The following ZNF503 variants were observed in gnomAD, a reference collection of about 807,000 sequenced individuals.
ZNF503 encodes the protein NocA-like zinc finger 2.
ZNF503 carries 15 observed loss-of-function variants against 34.4 expected under a neutral mutation model. The observed-to-expected ratio is 0.44, with a 90% CI of 0.29 to 0.67. ZNF503 has a LOEUF of 0.67. Ranked by LOEUF, ZNF503 falls within the 30% of genes least tolerant of loss-of-function variation. ZNF503 has a pLI of 0.13. For missense variants in ZNF503, 1,007 were observed against 926.8 expected (o/e 1.09, Z -1.12); for synonymous variants, 580 against 456.8 (o/e 1.27, Z -3.44).
the ZNF503 span, among the ~76,000 whole-genome samples, chr10:75,291,020 T>C: frequency 1.3e-5 from 2 of 152,188 alleles, no homozygotes; most frequent in African/African-American, 4.8e-5. Context: ...TTGCCTCTGA[T>C]GAATGAGGAC....
downstream of ZNF503, among the ~76,000 whole-genome samples, chr10:75,393,726 G>C (rs1273541159): frequency 6.6e-6 from 1 of 152,066 alleles, no homozygotes; most frequent in African/African-American, 2.4e-5. Context: ...GGGCATGGTG[G>C]TGCACGTCTG....
chr10:75,347,080 G>A, the ZNF503 span, among the ~76,000 whole-genome samples: 6 of 152,084 alleles, frequency 3.9e-5, no homozygotes, highest in Non-Finnish European at 8.8e-5. Flanking sequence ...TATCTGCCTC[G>A]GAGAGTTGTT....
the ZNF503 span, among the ~76,000 whole-genome samples, chr10:75,323,955 A>C: frequency 4.2e-5 from 6 of 143,304 alleles, no homozygotes; most frequent in Non-Finnish European, 6.0e-5. Context: ...GCACCATTGC[A>C]CTCTAGCCTG....
chr10:75,378,368 A>T, the ZNF503 span, among the ~76,000 whole-genome samples: 1 of 152,066 alleles, frequency 6.6e-6, no homozygotes, highest in Admixed American at 6.5e-5. Flanking sequence ...GTAGGCCACT[A>T]TCTGCTCCCC....
the ZNF503 span, among the ~76,000 whole-genome samples, chr10:75,337,454 C>T: frequency 6.6e-6 from 1 of 151,982 alleles, no homozygotes; most frequent in East Asian, 1.9e-4. Flanking sequence ...GAAACCCCAT[C>T]TCTACTAAAA....
In ZNF503 at chr10:75,399,995, C is replaced by A; in HGVS notation, c.695G>T (p.Ser232Ile). 6.2e-7 allele frequency: 1 copy of A among 1,605,580 alleles called. No individual in the cohort carries two copies. Residue 232 changes from serine (S) to isoleucine (I), a missense_variant, in exon 2 of 2, where the codon AGC becomes ATC. By Grantham distance (142) the Ser-to-Ile change is moderately radical. Coordinates refer to ENST00000372524, the MANE Select transcript of ZNF503 (RefSeq NM_032772.6). ...FTPRTGSPSSSASACSPGGML... is the reference protein window; with the variant it reads ...FTPRTGSPSSIASACSPGGML... ...ACCTCCCGGCGAGCAGGCCGAGGCG[C>A]TGGAGCTCGGGCTGCCTGTCCTGGG...
chr10:75,342,335 C>T, the ZNF503 span, among the ~76,000 whole-genome samples: 3 of 152,096 alleles, frequency 2.0e-5, no homozygotes, highest in Non-Finnish European at 2.9e-5. Flanking sequence ...GAAACAGACT[C>T]GGGATTTGCA....
chr10:75,401,882 G>C, upstream of ZNF503: 1 of 168,668 alleles, frequency 5.9e-6, no homozygotes, highest in Non-Finnish European at 1.3e-5. Flanking sequence ...GACGCGTCCC[G>C]CGCCGCCGCC....
chr10:75,339,426 C>T, the ZNF503 span, among the ~76,000 whole-genome samples: 1 of 152,184 alleles, frequency 6.6e-6, no homozygotes, highest in African/African-American at 2.4e-5. Context: ...GAGAGGGGAG[C>T]TTCGGAAAGA....
chr10:75,350,971 C>A, the ZNF503 span, among the ~76,000 whole-genome samples: 6 of 152,192 alleles, frequency 3.9e-5, no homozygotes, highest in South Asian at 1.2e-3. Flanking sequence ...TTTCTTTGAG[C>A]AATGCATGCT....
chr10:75,294,612 C>G, the ZNF503 span, among the ~76,000 whole-genome samples: 2 of 152,240 alleles, frequency 1.3e-5, no homozygotes, highest in African/African-American at 4.8e-5. Context: ...GTGGCCCAGA[C>G]CTCACTTGAC....
At chr10:75,286,300 A>AG in the ZNF503 span, among the ~76,000 whole-genome samples, 1 of 146,934 alleles carries the variant, frequency 6.8e-6, no homozygotes, top group African/African-American at 2.5e-5. Flanking sequence ...AAAAAAAAAA[A>AG]GAGCCTGGAG....
At chr10:75,342,267 C>A in the ZNF503 span, among the ~76,000 whole-genome samples, 81 of 152,236 alleles carry the variant, frequency 5.3e-4, no homozygotes, top group East Asian at 0.011. Context: ...CAGACAGACG[C>A]GGTCACACAC....
rs182331762 is a variant in ZNF503, at chr10:75,398,651, C to T, written c.*98G>A. The T allele has an allele frequency of 5.3e-6, 6 of 1,140,944 alleles. No homozygotes were observed. The East Asian group carries it at 1.9e-4, about 35-fold the overall frequency. The allele number at this position is 1,140,944 out of a possible 1,614,324, so 70.7% of individuals were successfully genotyped here. A position where few individuals can be genotyped will look rare whatever the true frequency, so the allele number is the denominator to read the frequency against. On this transcript the variant is annotated 3_prime_UTR_variant, in exon 2 of 2. Transcript: ENST00000372524. ...CCTTTCGTGGCCCGAGTCCTCCCCA[C>T]GCGCGGGTGTCAGCAGCCTGGGCCG... is the stretch of plus-strand genomic sequence containing the variant.
the ZNF503 span, among the ~76,000 whole-genome samples, chr10:75,289,672 G>A: frequency 2.6e-5 from 4 of 151,882 alleles, no homozygotes; most frequent in Admixed American, 6.6e-5. Flanking sequence ...TGCAACCTCC[G>A]CCTCCCGAGT....
At chr10:75,299,734 T>C in the ZNF503 span, among the ~76,000 whole-genome samples, 5 of 152,138 alleles carry the variant, frequency 3.3e-5, no homozygotes, top group African/African-American at 9.7e-5. Context: ...AGACATCACA[T>C]GTCGGTAGGT....
chr10:75,359,843 T>C, the ZNF503 span, among the ~76,000 whole-genome samples: 1 of 152,122 alleles, frequency 6.6e-6, no homozygotes, highest in Admixed American at 6.5e-5. Context: ...CTAGTAACCC[T>C]CTTGTCTTCA....
the ZNF503 span, chr10:75,296,775 G>C: frequency 6.6e-6 from 1 of 152,352 alleles, no homozygotes. Context: ...GAGGGAGAGA[G>C]AGAGAAGAGA....
the ZNF503 span, among the ~76,000 whole-genome samples, chr10:75,287,557 C>T: frequency 6.6e-6 from 1 of 152,120 alleles, no homozygotes; most frequent in African/African-American, 2.4e-5. Flanking sequence ...CCTACCCTCC[C>T]ATACCTACTT....
Sources: allele counts gnomAD v4.1 joint callset (sites outside exome capture counted in the v4.1 genomes callset), GRCh38; gene constraint gnomAD v4.1.1; transcripts MANE v1.5; gene names NCBI Gene and HGNC (gene_info 2026-07-23, HGNC 2026-07-21).